PHACTR2: variants seen among roughly 807,000 people sequenced by gnomAD.
PHACTR2 encodes chromosome 6 open reading frame 56.
A neutral mutation model predicts 76.0 loss-of-function variants in PHACTR2; 30 were observed. That is an observed-to-expected ratio of 0.39 (90% CI 0.30 to 0.54). The LOEUF (loss-of-function observed/expected upper bound fraction) is 0.54. Among genes scored for constraint, PHACTR2 ranks in the 20% least tolerant of loss-of-function variants. PHACTR2 has a pLI of 0.61. For synonymous variants in PHACTR2, 292 were observed against 292.5 expected, an observed-to-expected ratio of 1.00 and a Z score of 0.02; for missense variants, 696 against 781.1, an observed-to-expected ratio of 0.89 and a Z score of 1.30.
Position 143,755,550 on chromosome 6 carries a change from T to C in PHACTR2, c.454+1638T>C. On this transcript the variant is annotated intron_variant, in intron 4 of 12. Coordinates refer to ENST00000440869, the MANE Select transcript of PHACTR2 (RefSeq NM_001100164.2). This position sits in a 1 kb window ranked among gnomAD's most constrained non-coding sequence, Gnocchi z 5.2. ...GAAAGAAGATAGCAGACCTTATGGG[T>C]CCATGAATAGTTGAGAGATGTTTTT... 6.1e-6 allele frequency: 2 copies of C among 327,672 alleles called. No homozygotes were observed. The highest frequency in any genetic ancestry group is 1.2e-5 in the Non-Finnish European group (2 of 165,812). 20.3% of individuals were successfully genotyped at this position (327,672 alleles called of 1,614,324 possible). A position where few individuals can be genotyped will look rare whatever the true frequency, so the allele number is the denominator to read the frequency against.
intron 1 of PHACTR2, among the ~76,000 whole-genome samples, chr6:143,636,105 G>A (rs1336533761): frequency 1.7e-5 from 2 of 114,526 alleles, no homozygotes; most frequent in Non-Finnish European, 3.6e-5. Flanking sequence ...GTCCCAGCTA[G>A]TCAGGAGGCT....
At position 143,824,217 on chromosome 6, in the gene PHACTR2, G is replaced by A. The variant is rs1319438045; in HGVS notation, c.*528G>A. 1 of 148,990 alleles carries A rather than the reference G, an allele frequency of 6.7e-6. No homozygotes were observed. Among genetic ancestry groups the A allele is most frequent in the African/African-American group, 3.0e-5 (1 of 33,646 alleles). The allele number at this position is 148,990 out of a possible 1,614,324, so 9.2% of individuals were successfully genotyped here. A position where few individuals can be genotyped will look rare whatever the true frequency, so the allele number is the denominator to read the frequency against. On this transcript the variant is annotated 3_prime_UTR_variant, in exon 13 of 13. Coordinates refer to ENST00000440869, the MANE Select transcript of PHACTR2 (RefSeq NM_001100164.2). This position sits in a 1 kb window ranked among gnomAD's most constrained non-coding sequence, Gnocchi z 6.3. ...GGATTTAGGAATTTAACCTCCTGAT[G>A]TGGATTCCTCAAAGACTTGATCGGA...
rs1422034940 is a variant in PHACTR2 at position 143,677,969 on chromosome 6, G to T, written c.-195G>T. 1.2e-5 allele frequency: 16 copies of T among 1,298,532 alleles called. No individual in the cohort carries two copies. Among genetic ancestry groups the T allele is most frequent in the Middle Eastern group, 3.2e-4 (1 of 3,142 alleles). The allele number at this position is 1,298,532 out of a possible 1,614,324, so 80.4% of individuals were successfully genotyped here. On this transcript the variant is annotated 5_prime_UTR_variant, in exon 1 of 13. Coordinates refer to ENST00000440869, the MANE Select transcript of PHACTR2 (RefSeq NM_001100164.2). ...CTGCATAGAGGAATGACAGGCATCC[G>T]CTGGGCAGGATCCGCCGCGCCGGCT...
At position 143,828,526 on chromosome 6, in the gene PHACTR2, T is replaced by C. The variant is rs1776591988; in HGVS notation, c.*4837T>C. On this transcript the variant is annotated 3_prime_UTR_variant, in exon 13 of 13. Transcript: ENST00000440869. The surrounding 1 kb of genome is among the most constrained non-coding windows in gnomAD (Gnocchi z 4.7). ...ATCATCCCAAATTTAAAAATCCTATTGTATATGTTGTAAAATTTCTGGCAA... is the reference window on the plus strand; with the variant it reads ...ATCATCCCAAATTTAAAAATCCTATCGTATATGTTGTAAAATTTCTGGCAA... The C allele has an allele frequency of 6.6e-6, 1 of 152,168 alleles. No individual in the cohort carries two copies. Among genetic ancestry groups the C allele is most frequent in the African/African-American group, 2.4e-5 (1 of 41,442 alleles). The allele number at this position is 152,168 out of a possible 1,614,324, so 9.4% of individuals were successfully genotyped here. A position where few individuals can be genotyped will look rare whatever the true frequency, so the allele number is the denominator to read the frequency against.
chr6:143,689,863 T>C lies in PHACTR2; in HGVS notation c.46+11654T>C, dbSNP rs539608012. On this transcript the variant is annotated intron_variant, in intron 1 of 12. Transcript: ENST00000440869. The surrounding 1 kb of genome is among the most constrained non-coding windows in gnomAD (Gnocchi z 4.4). ...ACCTGCCACCACGCCCGGCTAATTTTTGTATTTTTAGTAGCGACAGGGTTT... is the reference window on the plus strand; with the variant it reads ...ACCTGCCACCACGCCCGGCTAATTTCTGTATTTTTAGTAGCGACAGGGTTT... 6.6e-6 allele frequency among the ~76,000 whole-genome samples: 1 copy of C among 152,262 alleles called. No homozygotes were observed. The highest frequency in any genetic ancestry group is 6.5e-5 in the Admixed American group (1 of 15,298).
Position 143,733,569 on chromosome 6 carries a change from T to C in PHACTR2, c.215-15416T>C, listed in dbSNP as rs1778754964. On this transcript the variant is annotated intron_variant, in intron 2 of 12. Transcript: ENST00000440869. The surrounding 1 kb of genome is among the most constrained non-coding windows in gnomAD (Gnocchi z 4.0). ...GTTTTCAATCCTTCTTTAGTGTTCA[T>C]ACCACTGAGAGTTGCTTAAAACAGC... 6.6e-6 allele frequency among the ~76,000 whole-genome samples: 1 copy of C among 152,192 alleles called. No individual in the cohort carries two copies. The highest frequency in any genetic ancestry group is 2.4e-5 in the African/African-American group (1 of 41,444).
intron 12 of PHACTR2, among the ~76,000 whole-genome samples, chr6:143,810,743 A>T: frequency 6.6e-6 from 1 of 151,914 alleles, no homozygotes. Flanking sequence ...GAGGTGAGAG[A>T]ATCGCCTGAG....
Position 143,570,663 on chromosome 6 carries a change from C to G in PHACTR2, c.217+33456C>G, listed in dbSNP as rs1187721357. Among the ~76,000 whole-genome samples the G allele has an allele frequency of 6.6e-6, 1 of 152,174 alleles. No individual in the cohort carries two copies. Among genetic ancestry groups the G allele is most frequent in the Admixed American group, 6.5e-5 (1 of 15,276 alleles). ...CCCTCTCCCCGCTTGCTCTCCTTCC[C>G]TAATCCCCACACCTTTTTATGAAGA... is the stretch of plus-strand genomic sequence containing the variant. On this transcript the variant is annotated intron_variant, in intron 1 of 11. Coordinates refer to the PHACTR2 transcript ENST00000367584. The surrounding 1 kb of genome is among the most constrained non-coding windows in gnomAD (Gnocchi z 4.6).
At chr6:143,790,527 A>G (rs1310040652) in intron 11 of PHACTR2, among the ~76,000 whole-genome samples, 3 of 152,150 alleles carry the variant, frequency 2.0e-5, no homozygotes, top group African/African-American at 7.2e-5. Context: ...GAGATTGAAC[A>G]TATTTTCATA....
rs759915304 is a variant in PHACTR2, at chr6:143,696,309, GTTTA to G, written c.47-15699_47-15696del. ...AACTGTTTTGGGTGGGTATACAGGA[GTTTA>G]TTTATTTCAGGGGGCATTTTTGTTT... On this transcript the variant is annotated intron_variant, in intron 1 of 12. Transcript: ENST00000440869. The surrounding 1 kb of genome is among the most constrained non-coding windows in gnomAD (Gnocchi z 4.1). Among the ~76,000 whole-genome samples the G allele has an allele frequency of 9.2e-5, 14 of 152,256 alleles. No homozygotes were observed. Among genetic ancestry groups the G allele is most frequent in the Non-Finnish European group, 1.6e-4 (11 of 68,012 alleles).
Position 143,562,303 on chromosome 6 carries a change from C to T in PHACTR2, c.217+25096C>T, listed in dbSNP as rs1452523496. Among the ~76,000 whole-genome samples, 1 of 152,138 alleles carries T rather than the reference C, an allele frequency of 6.6e-6. No homozygotes were observed. The highest frequency in any genetic ancestry group is 2.4e-5 in the African/African-American group (1 of 41,420). On this transcript the variant is annotated intron_variant, in intron 1 of 11. Coordinates refer to the PHACTR2 transcript ENST00000367584. The surrounding 1 kb of genome is among the most constrained non-coding windows in gnomAD (Gnocchi z 5.1). ...AAGCACGGTGCTGGCATCTGCTTGG[C>T]CTCCCCAGGCCTCAGGAAGTTTACA...
In PHACTR2 at chr6:143,548,827, A is replaced by G. The variant is rs9496661; in HGVS notation, c.217+11620A>G. Reference sequence around the variant, plus strand: ...GTAGAGTAAGAAAACTATGTGAAATAAGGAAGCATTTTTTTAACATAACAA... The same window carrying G: ...GTAGAGTAAGAAAACTATGTGAAATGAGGAAGCATTTTTTTAACATAACAA... On this transcript the variant is annotated intron_variant, in intron 1 of 11. Transcript: ENST00000367584. The surrounding 1 kb of genome is among the most constrained non-coding windows in gnomAD (Gnocchi z 4.5). Among the ~76,000 whole-genome samples, 3,339 of 152,154 alleles carry G rather than the reference A, an allele frequency of 0.022. 140 individuals are homozygous for G. Among genetic ancestry groups the G allele is most frequent in the African/African-American group, 0.076 (3,169 of 41,534 alleles).
Position 143,738,208 on chromosome 6 carries a change from G to T in PHACTR2, c.215-10777G>T, listed in dbSNP as rs1054104323. Among the ~76,000 whole-genome samples the T allele has an allele frequency of 1.3e-5, 2 of 151,910 alleles. No individual in the cohort carries two copies. The highest frequency in any genetic ancestry group is 1.3e-4 in the Admixed American group (2 of 15,250). Reference sequence around the variant, plus strand: ...AGGCGGATCACAAGGTCAGGAGTTCGAAACCAGTGGGGGGCGCCTGTAATC... The same window carrying T: ...AGGCGGATCACAAGGTCAGGAGTTCTAAACCAGTGGGGGGCGCCTGTAATC... On this transcript the variant is annotated intron_variant, in intron 2 of 12. Transcript: ENST00000440869. This position sits in a 1 kb window ranked among gnomAD's most constrained non-coding sequence, Gnocchi z 4.0.
upstream of PHACTR2, among the ~76,000 whole-genome samples, chr6:143,673,890 A>G (rs1777198177): frequency 6.6e-6 from 1 of 152,026 alleles, no homozygotes; most frequent in African/African-American, 2.4e-5. Context: ...GAAGAAGGAA[A>G]ACTCAGGAAA....
At position 143,818,751 on chromosome 6, in the gene PHACTR2, A is replaced by G. The variant is rs1472178414; in HGVS notation, c.1923-4923A>G. On this transcript the variant is annotated intron_variant, in intron 12 of 12. Transcript: ENST00000440869. The surrounding 1 kb of genome is among the most constrained non-coding windows in gnomAD (Gnocchi z 4.9). ...GAGTACTCACTGTCACGAGAACAGCATGGGGGAAACCACTCGCCTGATTCA... is the reference window on the plus strand; with the variant it reads ...GAGTACTCACTGTCACGAGAACAGCGTGGGGGAAACCACTCGCCTGATTCA... 1.3e-5 allele frequency among the ~76,000 whole-genome samples: 2 copies of G among 152,130 alleles called. No individual in the cohort carries two copies. The highest frequency in any genetic ancestry group is 6.5e-5 in the Admixed American group (1 of 15,280).
At chr6:143,810,872 G>T (rs368834885) in intron 12 of PHACTR2, among the ~76,000 whole-genome samples, 1 of 151,656 alleles carries the variant, frequency 6.6e-6, no homozygotes, top group Non-Finnish European at 1.5e-5. Context: ...TTGGGTAGTT[G>T]TTTGTCTTTT....
Position 143,777,312 on chromosome 6 carries a change from CT to C in PHACTR2, c.1590-11del. 3 of 1,534,442 alleles carry C rather than the reference CT, an allele frequency of 2.0e-6. No individual in the cohort carries two copies. The highest frequency in any genetic ancestry group is 1.1e-5 in the South Asian group (1 of 87,258). Reference sequence around the variant, plus strand: ...CCTTGTTTTTAACCTGTAATATATCCTTTTTGTCATCATAGGAGGCTGAGCC... The same window carrying C: ...CCTTGTTTTTAACCTGTAATATATCCTTTTGTCATCATAGGAGGCTGAGCC... On this transcript the variant is annotated splice_polypyrimidine_tract_variant and intron_variant, in intron 8 of 12. Transcript: ENST00000440869. This position sits in a 1 kb window ranked among gnomAD's most constrained non-coding sequence, Gnocchi z 4.6.
Position 143,664,221 on chromosome 6 carries a change from A to T in PHACTR2, c.14-47795A>T, listed in dbSNP as rs1776994953. On this transcript the variant is annotated intron_variant, in intron 1 of 11. Coordinates refer to the PHACTR2 transcript ENST00000305766. This position sits in a 1 kb window ranked among gnomAD's most constrained non-coding sequence, Gnocchi z 5.1. ...ATCTATTATTAATATTGAGATTATA[A>T]ATTTTCTTTTGGTAAGAATTTTCTT... Among the ~76,000 whole-genome samples the T allele has an allele frequency of 6.6e-6, 1 of 151,982 alleles. No individual in the cohort carries two copies. Among genetic ancestry groups the T allele is most frequent in the Non-Finnish European group, 1.5e-5 (1 of 67,966 alleles).
intron 1 of PHACTR2, among the ~76,000 whole-genome samples, chr6:143,635,253 C>G (rs1446904834): frequency 1.3e-5 from 2 of 151,918 alleles, no homozygotes; most frequent in Non-Finnish European, 2.9e-5. Context: ...ATTTTAAATA[C>G]TATTCCATTA....
Sources: gnomAD v4.1 joint callset for allele counts (sites outside exome capture counted in the v4.1 genomes callset) on GRCh38, gnomAD v4.1.1 for gene constraint, Gnocchi (gnomAD v3.1) non-coding constraint, MANE v1.5 for transcripts, NCBI Gene and HGNC (gene_info 2026-07-23, HGNC 2026-07-21) for gene names.